The following CNTNAP2 variants were observed in gnomAD, a reference collection of about 807,000 sequenced individuals.
The protein encoded by CNTNAP2 is contactin associated protein 2, also known as contactin-associated protein-like 2.
In CNTNAP2, 98 loss-of-function variants were observed where a neutral mutation model predicts 155.2. The ratio of observed to expected loss-of-function variants is 0.63; its 90% CI spans 0.54 to 0.75. The LOEUF (loss-of-function observed/expected upper bound fraction) is 0.75. CNTNAP2 is among the 30% of genes least tolerant of loss of function. The pLI, the probability that CNTNAP2 is intolerant of heterozygous loss-of-function variation, is 0.00. For synonymous variants in CNTNAP2, 651 were observed against 631.2 expected (o/e 1.03, Z -0.47); for missense variants, 1,727 against 1,688.1 (o/e 1.02, Z -0.40).
At chr7:148,106,591 G>C (rs913997207) in intron 15 of CNTNAP2, among the ~76,000 whole-genome samples, 1 of 150,362 alleles carries the variant, frequency 6.7e-6, no homozygotes, top group African/African-American at 2.5e-5. Flanking sequence ...AAACTCCTGG[G>C]CTCAAGCAAT....
At chr7:147,296,980 T>C (rs893422967) in intron 8 of CNTNAP2, among the ~76,000 whole-genome samples, 10 of 152,188 alleles carry the variant, frequency 6.6e-5, no homozygotes, top group Non-Finnish European at 1.0e-4. Context: ...TGAAGAGATA[T>C]ACTTCATTTA....
At chr7:147,482,764 G>A (rs560431163) in intron 10 of CNTNAP2, among the ~76,000 whole-genome samples, 62 of 144,812 alleles carry the variant, frequency 4.3e-4, no homozygotes, top group African/African-American at 1.2e-3. Flanking sequence ...ATAAATAATC[G>A]GCCGGGGGCT....
chr7:146,501,852 A>C (rs887340643), intron 1 of CNTNAP2, among the ~76,000 whole-genome samples: 2 of 152,148 alleles, frequency 1.3e-5, no homozygotes, highest in African/African-American at 4.8e-5. Flanking sequence ...AGACTTAGAC[A>C]AGGGTAGAAG....
chr7:148,163,751 G>A (rs6959769), intron 17 of CNTNAP2, among the ~76,000 whole-genome samples: 1,874 of 152,246 alleles, frequency 0.012, 43 homozygotes, highest in African/African-American at 0.043. Context: ...CCAATATCTA[G>A]CTGACAGAGA....
At chr7:146,829,765 A>G (rs186880987) in intron 2 of CNTNAP2, among the ~76,000 whole-genome samples, 2 of 152,194 alleles carry the variant, frequency 1.3e-5, no homozygotes, top group Admixed American at 1.3e-4. Flanking sequence ...TATAAAGCTT[A>G]ACCGTCTTTA....
At chr7:146,858,490 T>C (rs571464422) in intron 3 of CNTNAP2, among the ~76,000 whole-genome samples, 2 of 152,292 alleles carry the variant, frequency 1.3e-5, no homozygotes, top group African/African-American at 4.8e-5. Context: ...GCCCAGGAGT[T>C]TGAGACCAGT....
At chr7:146,176,029 T>C (rs191043558) in intron 1 of CNTNAP2, among the ~76,000 whole-genome samples, 2 of 152,324 alleles carry the variant, frequency 1.3e-5, no homozygotes, top group Non-Finnish European at 2.9e-5. Context: ...GCTACAGTTA[T>C]TGCTACCCTT....
At chr7:147,114,240 A>T (rs1051678966) in intron 5 of CNTNAP2, among the ~76,000 whole-genome samples, 17 of 152,038 alleles carry the variant, frequency 1.1e-4, no homozygotes, top group Non-Finnish European at 2.2e-4. Flanking sequence ...TTATGTCATC[A>T]ATTTTAGAGT....
chr7:147,585,228 A>T (rs1455545285), intron 12 of CNTNAP2, among the ~76,000 whole-genome samples: 1 of 152,152 alleles, frequency 6.6e-6, no homozygotes, highest in African/African-American at 2.4e-5. Context: ...GATGTTAAGT[A>T]ATTAAAGTGT....
intron 13 of CNTNAP2, among the ~76,000 whole-genome samples, chr7:147,751,175 G>A (rs1797130350): frequency 6.6e-6 from 1 of 151,650 alleles, no homozygotes; most frequent in African/African-American, 2.4e-5. Context: ...CCCAGATCCT[G>A]TCTTTTATTT....
chr7:148,003,642 T>C (rs1050107698), intron 15 of CNTNAP2, among the ~76,000 whole-genome samples: 19 of 152,194 alleles, frequency 1.2e-4, no homozygotes, highest in African/African-American at 3.9e-4. Context: ...TTATCAATCC[T>C]ATTAGATAAG....
At chr7:147,982,668 C>CT (rs1288330066) in intron 15 of CNTNAP2, among the ~76,000 whole-genome samples, 3 of 151,978 alleles carry the variant, frequency 2.0e-5, no homozygotes, top group Non-Finnish European at 2.9e-5. Flanking sequence ...AGGCCATTAT[C>CT]TTTTTTTTGC....
intron 17 of CNTNAP2, among the ~76,000 whole-genome samples, chr7:148,163,746 A>G (rs1805595440): frequency 6.6e-6 from 1 of 152,314 alleles, no homozygotes; most frequent in African/African-American, 2.4e-5. Context: ...GCCCTCCAAT[A>G]TCTAGCTGAC....
intron 3 of CNTNAP2, among the ~76,000 whole-genome samples, chr7:147,012,079 A>C (rs1798638001): frequency 6.6e-6 from 1 of 152,198 alleles, no homozygotes; most frequent in African/African-American, 2.4e-5. Context: ...CCATAATGAA[A>C]TATATTTGTG....
At chr7:147,464,713 A>C (rs1306253673) in intron 10 of CNTNAP2, among the ~76,000 whole-genome samples, 2 of 152,220 alleles carry the variant, frequency 1.3e-5, no homozygotes, top group Non-Finnish European at 2.9e-5. Flanking sequence ...TGGATTTTAC[A>C]ATTTAAAAAT....
intron 3 of CNTNAP2, among the ~76,000 whole-genome samples, chr7:146,909,319 C>T (rs1332000258): frequency 7.6e-6 from 1 of 131,670 alleles, no homozygotes; most frequent in Non-Finnish European, 1.6e-5. Flanking sequence ...CAGCATCATT[C>T]TGATACCAAA....
intron 12 of CNTNAP2, among the ~76,000 whole-genome samples, chr7:147,605,595 C>T (rs1450380498): frequency 6.6e-6 from 1 of 152,130 alleles, no homozygotes; most frequent in African/African-American, 2.4e-5. Context: ...GGTGTCCGCC[C>T]TTCTTGTGAT....
intron 14 of CNTNAP2, among the ~76,000 whole-genome samples, chr7:147,935,887 T>C (rs1253484355): frequency 6.6e-6 from 1 of 152,254 alleles, no homozygotes; most frequent in East Asian, 1.9e-4. Flanking sequence ...CTGGAAATAA[T>C]GTATGCATTG....
intron 10 of CNTNAP2, among the ~76,000 whole-genome samples, chr7:147,429,080 A>G (rs957397967): frequency 6.6e-6 from 1 of 151,852 alleles, no homozygotes; most frequent in Non-Finnish European, 1.5e-5. Context: ...CTCCATCTCC[A>G]TCCAGATTTC....
Sources: gnomAD v4.1 joint callset for allele counts (sites outside exome capture counted in the v4.1 genomes callset) on GRCh38, gnomAD v4.1.1 for gene constraint, MANE v1.5 for transcripts, NCBI Gene and HGNC (gene_info 2026-07-23, HGNC 2026-07-21) for gene names.